Variants in PRORP observed in about 807,000 individuals in gnomAD.
PRORP encodes the protein protein only RNase P catalytic subunit, also known as mitochondrial ribonuclease P catalytic subunit.
Under a neutral mutation model 59.4 loss-of-function variants are expected in PRORP, and 51 were observed. The ratio of observed to expected loss-of-function variants is 0.86; its 90% confidence interval spans 0.69 to 1.08. The LOEUF (loss-of-function observed/expected upper bound fraction) is 1.08. Among genes scored for constraint, PRORP ranks in the 50% least tolerant of loss-of-function variants. PRORP has a pLI of 0.00. For synonymous variants in PRORP, 231 were observed against 245.6 expected (o/e 0.94, Z 0.55); for missense variants, 646 against 690.3 (o/e 0.94, Z 0.72).
At chr14:35,244,604 G>A (rs911234209) in intron 5 of PRORP, among the ~76,000 whole-genome samples, 2 of 151,964 alleles carry the variant, frequency 1.3e-5, no homozygotes, top group African/African-American at 4.8e-5. Context: ...GCAATTTTAC[G>A]TGGTTCTCTA....
At chr14:35,229,528 G>A (rs573772254) in intron 5 of PRORP, among the ~76,000 whole-genome samples, 94 of 152,196 alleles carry the variant, frequency 6.2e-4, no homozygotes, top group African/African-American at 2.1e-3. Flanking sequence ...CAGCTATCCC[G>A]GCACCATTTA....
chr14:35,212,916 G>A (rs1252354704), intron 5 of PRORP, among the ~76,000 whole-genome samples: 1 of 152,174 alleles, frequency 6.6e-6, no homozygotes, highest in Non-Finnish European at 1.5e-5. Context: ...CTGTTGTTTA[G>A]TATAGCCACC....
At chr14:35,251,850 G>A (rs1348227445) in intron 5 of PRORP, among the ~76,000 whole-genome samples, 1 of 152,072 alleles carries the variant, frequency 6.6e-6, no homozygotes, top group Admixed American at 6.6e-5. Context: ...CACCGCGCCT[G>A]GCTGTTTAAT....
chr14:35,178,718 T>C (rs1382942298), intron 4 of PRORP, among the ~76,000 whole-genome samples: 3 of 151,834 alleles, frequency 2.0e-5, no homozygotes, highest in Non-Finnish European at 4.4e-5. Flanking sequence ...CTGTGTCTTT[T>C]AATTGGAGCA....
intron 5 of PRORP, among the ~76,000 whole-genome samples, chr14:35,259,763 C>T (rs1230727402): frequency 1.3e-5 from 2 of 151,980 alleles, no homozygotes; most frequent in African/African-American, 2.4e-5. Flanking sequence ...GGCATGGTGC[C>T]GTGCACCTGT....
At chr14:35,191,836 C>T (rs138983092) in intron 5 of PRORP, among the ~76,000 whole-genome samples, 2 of 151,050 alleles carry the variant, frequency 1.3e-5, no homozygotes, top group Admixed American at 6.6e-5. Flanking sequence ...TTTCTCACTA[C>T]TCCTATATCC....
At position 35,144,192 on chromosome 14, in the gene PRORP, A is replaced by G. The variant is rs73234496; in HGVS notation, c.1167+16581A>G. On this transcript the variant is annotated intron_variant, in intron 4 of 7. Coordinates refer to ENST00000534898, the MANE Select transcript of PRORP (RefSeq NM_014672.4). The stretch of plus-strand genomic sequence containing the variant: ...CTGGTGCTTGTTGGCTTTGATAACC[A>G]CAGTGAACACAGATGTGGTATTGTC... 1.3e-3 allele frequency: 200 copies of G among 151,782 alleles called. 7 individuals carry two copies. The highest frequency in any genetic ancestry group is 4.5e-3 in the African/African-American group (187 of 41,346). The allele number at this position is 151,782 out of a possible 1,614,324, so 9.4% of individuals were successfully genotyped here.
At chr14:35,231,903 A>G (rs2050090771) in intron 5 of PRORP, among the ~76,000 whole-genome samples, 1 of 152,242 alleles carries the variant, frequency 6.6e-6, no homozygotes, top group African/African-American at 2.4e-5. Flanking sequence ...AAGGAATTGC[A>G]TAAGTTATGA....
intron 5 of PRORP, among the ~76,000 whole-genome samples, chr14:35,201,156 T>C (rs1441980563): frequency 3.3e-5 from 5 of 152,224 alleles, no homozygotes; most frequent in African/African-American, 2.4e-5. Context: ...CGTCATACCA[T>C]ATCAAAAGTA....
chr14:35,168,527 C>G (rs2048239913), intron 4 of PRORP, among the ~76,000 whole-genome samples: 1 of 152,090 alleles, frequency 6.6e-6, no homozygotes, highest in East Asian at 1.9e-4. Context: ...TATGACCACA[C>G]ATTGGGTTTA....
intron 5 of PRORP, among the ~76,000 whole-genome samples, chr14:35,234,148 A>C (rs570849048): frequency 1.3e-5 from 2 of 152,316 alleles, no homozygotes; most frequent in Non-Finnish European, 1.5e-5. Context: ...TTCTTTGTGC[A>C]TGTAGGGTTG....
intron 4 of PRORP, among the ~76,000 whole-genome samples, chr14:35,155,123 G>C (rs2047880689): frequency 6.6e-6 from 1 of 152,048 alleles, no homozygotes. Context: ...CGAACTCGTG[G>C]GCTCAAGTGA....
At chr14:35,218,528 TTTTTTTTTTTTTTG>T (rs1187152551) in intron 5 of PRORP, among the ~76,000 whole-genome samples, 4 of 44,822 alleles carry the variant, frequency 8.9e-5, no homozygotes, top group Admixed American at 7.8e-4. Flanking sequence ...ACTTTTTTTT[TTTTTTTTTTTTTTG>T]TTGAGACAGA....
At chr14:35,207,174 G>A (rs906914983) in intron 5 of PRORP, among the ~76,000 whole-genome samples, 1 of 152,036 alleles carries the variant, frequency 6.6e-6, no homozygotes, top group African/African-American at 2.4e-5. Context: ...GGCGATGCCG[G>A]AGCCCTCTGG....
intron 5 of PRORP, among the ~76,000 whole-genome samples, chr14:35,237,013 CCTTCCCTCCTTCT>C (rs1404787272): frequency 1.5e-5 from 2 of 135,798 alleles, no homozygotes; most frequent in Non-Finnish European, 3.4e-5. Flanking sequence ...TTCACTCCTT[CCTTCCCTCCTTCT>C]CTTCCTTCCT....
chr14:35,271,783 G>T (rs959588317), intron 7 of PRORP, among the ~76,000 whole-genome samples: 4 of 152,170 alleles, frequency 2.6e-5, no homozygotes, highest in African/African-American at 9.6e-5. Context: ...TCAACACTTT[G>T]GGAGGCCAAG....
chr14:35,191,306 GC>G (rs1334077642), intron 5 of PRORP, among the ~76,000 whole-genome samples: 1 of 152,164 alleles, frequency 6.6e-6, no homozygotes, highest in Non-Finnish European at 1.5e-5. Context: ...TGTAAGACGT[GC>G]CTTTTACCTT....
chr14:35,241,115 C>T (rs536600173), intron 5 of PRORP, among the ~76,000 whole-genome samples: 33 of 152,246 alleles, frequency 2.2e-4, no homozygotes, highest in Non-Finnish European at 2.8e-4. Context: ...CAGTGGCTCA[C>T]GCCTGTAATC....
chr14:35,233,188 T>C (rs556944736), intron 5 of PRORP, among the ~76,000 whole-genome samples: 1 of 150,654 alleles, frequency 6.6e-6, no homozygotes, highest in Non-Finnish European at 1.5e-5. Context: ...GATACACCAA[T>C]GAATTAAGTA....
Sources: gnomAD v4.1 joint callset for allele counts (sites outside exome capture counted in the v4.1 genomes callset) on GRCh38, gnomAD v4.1.1 for gene constraint, MANE v1.5 for transcripts, NCBI Gene and HGNC (gene_info 2026-07-23, HGNC 2026-07-21) for gene names.